DBN1: variants seen among roughly 807,000 people sequenced by gnomAD.
DBN1 encodes drebrin.
Under a neutral mutation model 83.5 loss-of-function variants are expected in DBN1, and 21 were observed. That is an observed-to-expected ratio of 0.25 (90% confidence interval 0.18 to 0.36). The LOEUF is 0.36. DBN1 is among the 10% of genes least tolerant of loss of function. The pLI, the probability that DBN1 is intolerant of heterozygous loss-of-function variation, is 1.00. For missense variants in DBN1, 874 were observed against 935.7 expected (o/e 0.93, Z 0.86); for synonymous variants, 381 against 384.9 (o/e 0.99, Z 0.12).
chr5:177,468,848 T>C lies in DBN1; in HGVS notation c.138A>G (p.Ser46=). ...GGGAATGGCTGGAATTCCTACCTCC[T>C]GATGCTGCAAGCTTGAGGTCATCGG... ...DGSDDLKLAA[S]GEGGLQELSG... is the part of the protein sequence containing the mutation. Residue 46 remains serine, a synonymous_variant, in exon 2 of 15, where the codon TCA becomes TCG. Coordinates refer to ENST00000393565, the MANE Select transcript of DBN1 (RefSeq NM_001363541.2). 1.5e-6 allele frequency: 2 copies of C among 1,322,496 alleles called. No homozygotes were observed. Among genetic ancestry groups the C allele is most frequent in the Non-Finnish European group, 9.7e-7 (1 of 1,027,082 alleles). The allele number at this position is 1,322,496 out of a possible 1,614,324, so 81.9% of individuals were successfully genotyped here. A position where few individuals can be genotyped will look rare whatever the true frequency, so the allele number is the denominator to read the frequency against.
chr5:177,465,184 A>G (rs1272570146), intron 8 of DBN1, among the ~76,000 whole-genome samples: 1 of 152,246 alleles, frequency 6.6e-6, no homozygotes, highest in East Asian at 1.9e-4. Context: ...AAATTTTAAA[A>G]AACCTCACTC....
intron 1 of DBN1, chr5:177,472,337 A>G: frequency 6.6e-7 from 1 of 1,512,568 alleles, no homozygotes; most frequent in South Asian, 1.3e-5. Flanking sequence ...TTTCCTCAAG[A>G]AGAACCTGTT....
intron 1 of DBN1, chr5:177,472,444 C>A: frequency 1.5e-6 from 2 of 1,344,228 alleles, no homozygotes; most frequent in Non-Finnish European, 1.9e-6. Flanking sequence ...CAGGATGGGG[C>A]TGTGAGGAAC....
In DBN1 at chr5:177,467,303, A is replaced by G; in HGVS notation, c.507T>C (p.Ala169=). The change falls in exon 6 of 15, where the codon GCT becomes GCC. Residue 169 remains alanine, a synonymous_variant. Transcript: ENST00000393565. This position sits in a 1 kb window ranked among gnomAD's most constrained non-coding sequence, Gnocchi z 9.1. ...CTCGGTTAATCCGCTTCATTTCCAC[A>G]GCTGCATCCGTCTTCTGGTAGGTGG... The part of the protein sequence containing the change: ...VGTTYQKTDA[A]VEMKRINREQ... The G allele has an allele frequency of 1.9e-6, 3 of 1,614,118 alleles. No individual in the cohort carries two copies. The highest frequency in any genetic ancestry group is 1.7e-6 in the Non-Finnish European group (2 of 1,179,982).
intron 8 of DBN1, among the ~76,000 whole-genome samples, chr5:177,461,058 C>CAGTCATG (rs1254333566): frequency 2.0e-5 from 3 of 149,596 alleles, no homozygotes; most frequent in Non-Finnish European, 4.4e-5. Context: ...GGATGGATTA[C>CAGTCATG]AGTCATGAGC....
At chr5:177,462,319 G>A (rs1392812388) in intron 8 of DBN1, 1 of 985,396 alleles carries the variant, frequency 1.0e-6, no homozygotes. Context: ...CTCAGCATGG[G>A]AGACTGGCCT....
At position 177,473,539 on chromosome 5, in the gene DBN1, G is replaced by T. The variant is rs1286879561; in HGVS notation, c.-18C>A. ...CCGGCCATGCTTCGGGCCGGACCGG[G>T]CCGAACGGACAGACGCGCGGACGGA... is the stretch of plus-strand genomic sequence containing the variant. On this transcript the variant is annotated 5_prime_UTR_variant, in exon 1 of 15. Transcript: ENST00000393565. 1 of 1,366,666 alleles carries T rather than the reference G, an allele frequency of 7.3e-7. No individual in the cohort carries two copies. The highest frequency in any genetic ancestry group is 2.7e-5 in the Admixed American group (1 of 37,704). The allele number at this position is 1,366,666 out of a possible 1,614,324, so 84.7% of individuals were successfully genotyped here.
At chr5:177,468,571 C>A in intron 2 of DBN1, 3 of 441,636 alleles carry the variant, frequency 6.8e-6, no homozygotes, top group Admixed American at 3.8e-5. Context: ...GAATAGGGCC[C>A]TTCCCCCAAA....
chr5:177,459,485 C>T, intron 11 of DBN1, 118 bp downstream of exon 11: 1 of 1,344,460 alleles, frequency 7.4e-7, no homozygotes, highest in Non-Finnish European at 9.8e-7. Flanking sequence ...GCAGGCAGTG[C>T]CTGCCCTGGG....
chr5:177,462,421 C>A (rs148017541), intron 8 of DBN1: 5 of 985,410 alleles, frequency 5.1e-6, no homozygotes, highest in Non-Finnish European at 4.8e-6. Context: ...GACCTCTGAA[C>A]AAGAGGCTTG....
At chr5:177,462,673 G>A (rs1252353568) in intron 8 of DBN1, among the ~76,000 whole-genome samples, 1 of 152,216 alleles carries the variant, frequency 6.6e-6, no homozygotes, top group Admixed American at 6.5e-5. Flanking sequence ...AGCTTGGGCA[G>A]GAGGGGCTGC....
intron 1 of DBN1, chr5:177,472,505 G>A (rs1433664702): frequency 3.2e-6 from 3 of 938,384 alleles, no homozygotes; most frequent in Non-Finnish European, 4.2e-6. Flanking sequence ...CAGAGCAGGT[G>A]GTCCATCCCC....
At position 177,458,313 on chromosome 5, in the gene DBN1, TGCCAGGGTGACCTCA is replaced by T. The variant is rs1281414728; in HGVS notation, c.1644_1658del (p.Thr551_Val555del). The T allele has an allele frequency of 6.2e-7, 1 of 1,613,164 alleles. No individual in the cohort carries two copies. The highest frequency in any genetic ancestry group is 8.5e-7 in the Non-Finnish European group (1 of 1,179,456). ...CCACCTCATCCAGCAGGGGCACCTC[TGCCAGGGTGACCTCA>T]GTACCCGAGGGTGGCGTGGGGGCCC... is the stretch of plus-strand genomic sequence containing the variant. On this transcript the variant is annotated inframe_deletion, in exon 13 of 15. Transcript: ENST00000393565.
chr5:177,467,739 G>A lies in DBN1; in HGVS notation c.330+4C>T, dbSNP rs1390854083. The A allele has an allele frequency of 1.0e-5, 16 of 1,552,978 alleles. No individual in the cohort carries two copies. The highest frequency in any genetic ancestry group is 5.9e-5 in the Admixed American group (3 of 51,222). On this transcript the variant is annotated splice_donor_region_variant and intron_variant, in intron 4 of 14. Coordinates refer to ENST00000393565, the MANE Select transcript of DBN1 (RefSeq NM_001363541.2). The surrounding 1 kb of genome is among the most constrained non-coding windows in gnomAD (Gnocchi z 9.1). ...CCCCAAGAGCGCTGGCCCCTGACAC[G>A]CACCTGGAAGAACTCCGCCACCTTA...
intron 8 of DBN1, among the ~76,000 whole-genome samples, chr5:177,464,743 C>G (rs1757302529): frequency 1.3e-5 from 2 of 152,128 alleles, no homozygotes; most frequent in South Asian, 4.1e-4. Context: ...AGTTCAAGAT[C>G]AGCTTGGCCA....
In DBN1 at chr5:177,467,655, G is replaced by T. The variant is rs1229152451; in HGVS notation, c.331-28C>A. 2.6e-6 allele frequency: 4 copies of T among 1,564,974 alleles called. No individual in the cohort carries two copies. The highest frequency in any genetic ancestry group is 3.5e-6 in the Non-Finnish European group (4 of 1,154,814). ...TCCGCAAGAAGACGGCAGTGCTCAGGCGGCACCATCCTCCCGCCATCCCCA... is the reference window on the plus strand; with the variant it reads ...TCCGCAAGAAGACGGCAGTGCTCAGTCGGCACCATCCTCCCGCCATCCCCA... On this transcript the variant is annotated intron_variant, in intron 4 of 14. Coordinates refer to ENST00000393565, the MANE Select transcript of DBN1 (RefSeq NM_001363541.2). This position sits in a 1 kb window ranked among gnomAD's most constrained non-coding sequence, Gnocchi z 9.1.
intron 2 of DBN1, chr5:177,468,621 G>T: frequency 4.7e-6 from 2 of 427,626 alleles, no homozygotes; most frequent in Admixed American, 3.8e-5. Flanking sequence ...CACTTTCCCT[G>T]TTGGAGGCTC....
Position 177,467,579 on chromosome 5 carries a change from C to A in DBN1, c.379G>T (p.Gly127Cys), listed in dbSNP as rs1757537318. Residue 127 changes from glycine to cysteine, a missense_variant, in exon 5 of 15, where the codon GGT (glycine) becomes TGT (cysteine). Gly to Cys is a radical substitution (Grantham distance 159). Around this residue, in one of 4 missense-constraint regions of DBN1, gnomAD observed 65 missense variants for 97.3 expected, o/e 0.67. Transcript: ENST00000393565. The surrounding 1 kb of genome is among the most constrained non-coding windows in gnomAD (Gnocchi z 9.1). ...TTAGAGAGCCGCTGCCCGATGGCAC[C>A]CGCGTCTATGTCTTCCACGCTGCTG... ...NASSVEDIDA[G>C]AIGQRLSNGL... The A allele has an allele frequency of 6.4e-7, 1 of 1,567,474 alleles. No homozygotes were observed. The highest frequency in any genetic ancestry group is 2.4e-5 in the East Asian group (1 of 42,140).
Position 177,457,581 on chromosome 5 carries a change from T to C in DBN1, c.2017+74A>G. 3.9e-6 allele frequency: 6 copies of C among 1,523,434 alleles called. No individual in the cohort carries two copies. In the South Asian group the frequency reaches 6.7e-5, roughly 17 times the overall value. The allele number at this position is 1,523,434 out of a possible 1,614,324, so 94.4% of individuals were successfully genotyped here. A position where few individuals can be genotyped will look rare whatever the true frequency, so the allele number is the denominator to read the frequency against. On this transcript the variant is annotated intron_variant, in intron 14 of 14. Transcript: ENST00000393565. ...CCCAGCCTCTGTGAGCGGTGGGTAGTGGTGGGGTGGCTACCCACACTCAAA... is the reference window on the plus strand; with the variant it reads ...CCCAGCCTCTGTGAGCGGTGGGTAGCGGTGGGGTGGCTACCCACACTCAAA...
Sources: allele counts gnomAD v4.1 joint callset (sites outside exome capture counted in the v4.1 genomes callset), GRCh38; gene constraint gnomAD v4.1.1; regional missense constraint gnomAD v4.1.1; non-coding constraint Gnocchi (gnomAD v3.1); transcripts MANE v1.5; gene names NCBI Gene and HGNC (gene_info 2026-07-23, HGNC 2026-07-21).